Variants in ZFHX3 observed in about 807,000 individuals in gnomAD.
ZFHX3 encodes the protein zinc finger homeobox 3.
Under a neutral mutation model 279.1 loss-of-function variants are expected in ZFHX3, and 42 were observed. The observed-to-expected ratio is 0.15, with a 90% CI of 0.12 to 0.19. ZFHX3 has a LOEUF of 0.19. Among genes scored for constraint, ZFHX3 ranks in the 10% least tolerant of loss-of-function variants. The pLI, the probability that ZFHX3 is intolerant of heterozygous loss-of-function variation, is 1.00. For synonymous variants in ZFHX3, 2,293 were observed against 1,957.8 expected, an observed-to-expected ratio of 1.17 and a Z score of -4.52; for missense variants, 4,981 against 4,754.0, an observed-to-expected ratio of 1.05 and a Z score of -1.40.
chr16:73,630,081 A>G (rs977407176), intron 2 of ZFHX3, among the ~76,000 whole-genome samples: 3 of 152,182 alleles, frequency 2.0e-5, no homozygotes, highest in Non-Finnish European at 4.4e-5. Flanking sequence ...TGGTCTAGAC[A>G]GGTGTCATGA....
At chr16:73,853,105 G>T (rs991219947) in intron 1 of ZFHX3, among the ~76,000 whole-genome samples, 1 of 152,140 alleles carries the variant, frequency 6.6e-6, no homozygotes, top group African/African-American at 2.4e-5. Flanking sequence ...TCAGATAAAT[G>T]CAAATTAAGA....
chr16:73,131,339 T>A (rs1417636779), intron 6 of ZFHX3, among the ~76,000 whole-genome samples: 3 of 152,210 alleles, frequency 2.0e-5, no homozygotes, highest in Admixed American at 2.0e-4. Context: ...TTTATGTACA[T>A]GACTCATACA....
chr16:73,864,489 G>A (rs1318940522), intron 1 of ZFHX3, among the ~76,000 whole-genome samples: 1 of 152,160 alleles, frequency 6.6e-6, no homozygotes, highest in African/African-American at 2.4e-5. Flanking sequence ...GAGGCTGAGG[G>A]AGGAGGATCA....
intron 2 of ZFHX3, among the ~76,000 whole-genome samples, chr16:73,669,769 G>A (rs1448523430): frequency 6.6e-6 from 1 of 152,204 alleles, no homozygotes; most frequent in Non-Finnish European, 1.5e-5. Context: ...TCAGATGCCA[G>A]CTCAGTGCTA....
At chr16:73,214,843 CTTTTTTTTTTTTTT>C (rs386385051) in intron 5 of ZFHX3, among the ~76,000 whole-genome samples, 1 of 79,250 alleles carries the variant, frequency 1.3e-5, no homozygotes, top group Non-Finnish European at 2.2e-5. Context: ...TGCTGAAGGC[CTTTTTTTTTTTTTT>C]TTTTTTTTTT....
chr16:73,824,674 A>C (rs1173857331), intron 1 of ZFHX3, among the ~76,000 whole-genome samples: 64 of 97,388 alleles, frequency 6.6e-4, no homozygotes, highest in East Asian at 5.3e-3. Flanking sequence ...TTCTTGCGAT[A>C]GTTTACTGAG....
intron 3 of ZFHX3, among the ~76,000 whole-genome samples, chr16:73,376,204 T>A (rs1034900468): frequency 4.6e-5 from 7 of 152,212 alleles, no homozygotes; most frequent in African/African-American, 1.7e-4. Flanking sequence ...TTTTTTGTTA[T>A]AGAATCAGCA....
chr16:73,800,162 T>G (rs1457009112), intron 1 of ZFHX3, among the ~76,000 whole-genome samples: 3 of 152,144 alleles, frequency 2.0e-5, no homozygotes, highest in African/African-American at 7.2e-5. Context: ...GACATGTATT[T>G]ATTAAGGACT....
At chr16:72,955,450 C>T (rs1448744364) in intron 2 of ZFHX3, among the ~76,000 whole-genome samples, 1 of 152,208 alleles carries the variant, frequency 6.6e-6, no homozygotes, top group East Asian at 1.9e-4. Context: ...CTTCTCAATA[C>T]AAGCCTTAGT....
In ZFHX3 at chr16:73,065,566, G is replaced by GGT. The variant is rs10540025; in HGVS notation, c.-532-6556_-532-6555dup. Among the ~76,000 whole-genome samples the GGT allele has an allele frequency of 3.4e-3, 497 of 144,670 alleles. 1 individual carries two copies. Among genetic ancestry groups the GGT allele is most frequent in the Non-Finnish European group, 5.6e-3 (369 of 66,232 alleles). 94.9% of individuals were successfully genotyped at this position (144,670 alleles called of 152,430 possible). A position where few individuals can be genotyped will look rare whatever the true frequency, so the allele number is the denominator to read the frequency against. On this transcript the variant is annotated intron_variant, in intron 8 of 17. Coordinates refer to the ZFHX3 transcript ENST00000641206. ...AGTGGGGGACGAACTAGCTTTTCCT[G>GGT]GTGTGTGTGTGTGTGTGTGTGTGTG...
chr16:72,972,303 C>A (rs1461010051), intron 1 of ZFHX3, among the ~76,000 whole-genome samples: 1 of 152,258 alleles, frequency 6.6e-6, no homozygotes, highest in African/African-American at 2.4e-5. Context: ...TACCAGTCCA[C>A]CATCCTATAA....
At chr16:73,531,072 T>A (rs1454840900) in intron 2 of ZFHX3, among the ~76,000 whole-genome samples, 2 of 152,240 alleles carry the variant, frequency 1.3e-5, no homozygotes, top group African/African-American at 2.4e-5. Context: ...AAGCTGTCAC[T>A]ATTTGTTGGG....
At chr16:73,468,686 G>A (rs2018612981) in intron 2 of ZFHX3, among the ~76,000 whole-genome samples, 2 of 152,278 alleles carry the variant, frequency 1.3e-5, no homozygotes, top group African/African-American at 4.8e-5. Context: ...GCAGTGAGCC[G>A]AGATTGCACC....
At chr16:73,596,237 T>C (rs1373242694) in intron 2 of ZFHX3, among the ~76,000 whole-genome samples, 1 of 151,996 alleles carries the variant, frequency 6.6e-6, no homozygotes, top group Admixed American at 6.6e-5. Context: ...TAGCCACATG[T>C]TAGTCTCTAT....
chr16:73,351,890 C>T (rs975733068), intron 3 of ZFHX3, among the ~76,000 whole-genome samples: 3 of 152,160 alleles, frequency 2.0e-5, no homozygotes, highest in African/African-American at 7.2e-5. Context: ...GTAGTATGAC[C>T]TTTAAACTTT....
chr16:73,275,479 T>C (rs1217086290), intron 4 of ZFHX3, among the ~76,000 whole-genome samples: 3 of 152,118 alleles, frequency 2.0e-5, no homozygotes, highest in South Asian at 2.1e-4. Flanking sequence ...TGGAGGTTTG[T>C]TTTTACATCT....
chr16:73,621,355 G>A (rs1054198512), intron 2 of ZFHX3, among the ~76,000 whole-genome samples: 2 of 152,140 alleles, frequency 1.3e-5, no homozygotes, highest in East Asian at 1.9e-4. Flanking sequence ...TGCTACAAAT[G>A]TTTCACCTTA....
intron 1 of ZFHX3, among the ~76,000 whole-genome samples, chr16:73,023,200 C>A (rs1964369429): frequency 6.6e-6 from 1 of 152,192 alleles, no homozygotes; most frequent in African/African-American, 2.4e-5. Context: ...GCACTCCAGC[C>A]TGGCGACAGA....
intron 1 of ZFHX3, among the ~76,000 whole-genome samples, chr16:73,763,770 T>A (rs1421804166): frequency 3.9e-5 from 6 of 152,198 alleles, no homozygotes; most frequent in Non-Finnish European, 4.4e-5. Flanking sequence ...TAGGTGGGCC[T>A]GACCTAATCA....
Sources: gnomAD v4.1 joint callset for allele counts (sites outside exome capture counted in the v4.1 genomes callset) on GRCh38, gnomAD v4.1.1 for gene constraint, MANE v1.5 for transcripts, NCBI Gene and HGNC (gene_info 2026-07-23, HGNC 2026-07-21) for gene names.